The following JARID2 variants were observed in gnomAD, a reference collection of about 807,000 sequenced individuals.
JARID2 encodes jumonji and AT-rich interaction domain containing 2.
In JARID2, 21 loss-of-function variants were observed where a neutral mutation model predicts 125.6. The observed-to-expected ratio is 0.17, with a 90% CI of 0.12 to 0.24. JARID2 has a LOEUF of 0.24. JARID2 is among the 10% of genes least tolerant of loss of function. JARID2 has a pLI of 1.00. For missense variants in JARID2, 1,303 were observed against 1,639.6 expected (o/e 0.79, Z 3.55); for synonymous variants, 736 against 661.6 (o/e 1.11, Z -1.73).
At chr6:15,428,959 T>C (rs928869695) in intron 3 of JARID2, among the ~76,000 whole-genome samples, 1 of 139,104 alleles carries the variant, frequency 7.2e-6, no homozygotes, top group Non-Finnish European at 1.5e-5. Flanking sequence ...AAAAAACTTC[T>C]AGAGTATAGT....
intron 1 of JARID2, among the ~76,000 whole-genome samples, chr6:15,330,414 ACACAGTGGT>A (rs1762669882): frequency 6.6e-6 from 1 of 152,234 alleles, no homozygotes; most frequent in Non-Finnish European, 1.5e-5. Context: ...GTTTGATACA[ACACAGTGGT>A]CACGACCACA....
At chr6:15,513,582 G>C (rs1198005357) in intron 16 of JARID2, among the ~76,000 whole-genome samples, 160 bp downstream of exon 16, 1 of 152,228 alleles carries the variant, frequency 6.6e-6, no homozygotes, top group African/African-American at 2.4e-5. Flanking sequence ...TCTGGCCGCC[G>C]GAGGTGGCTG....
At chr6:15,264,638 T>TGA (rs1016319626) in intron 1 of JARID2, among the ~76,000 whole-genome samples, 2 of 148,524 alleles carry the variant, frequency 1.3e-5, no homozygotes, top group Admixed American at 6.8e-5. Context: ...TGTGTGTGTG[T>TGA]GTGAGAGAGA....
At chr6:15,375,299 C>T (rs1764310105) in intron 2 of JARID2, among the ~76,000 whole-genome samples, 1 of 152,204 alleles carries the variant, frequency 6.6e-6, no homozygotes, top group Non-Finnish European at 1.5e-5. Flanking sequence ...CCTAGTTGTG[C>T]TGTCTCCTTC....
rs1016145857 is a variant in JARID2, at chr6:15,520,654, G to A, written c.*403G>A. 28 of 306,438 alleles carry A rather than the reference G, an allele frequency of 9.1e-5. No homozygotes were observed. The Admixed American group carries it at 1.0e-3, about 11-fold the overall frequency. The allele number at this position is 306,438 out of a possible 1,614,324, so 19.0% of individuals were successfully genotyped here. On this transcript the variant is annotated 3_prime_UTR_variant, in exon 18 of 18. Transcript: ENST00000341776. ...CAAATTTAAAAACCATCAGTCATGT[G>A]AGCAGATTTTTTAGAAGGGATAGGA...
At chr6:15,516,948 AGACCATGTT>A in intron 16 of JARID2, among the ~76,000 whole-genome samples, 1 of 152,278 alleles carries the variant, frequency 6.6e-6, no homozygotes, top group African/African-American at 2.4e-5. Flanking sequence ...TCCTAGTTGA[AGACCATGTT>A]CCAGGTGTTT....
intron 6 of JARID2, among the ~76,000 whole-genome samples, chr6:15,491,428 G>A (rs1438907543): frequency 6.6e-6 from 1 of 152,236 alleles, no homozygotes; most frequent in Non-Finnish European, 1.5e-5. Context: ...TCTGTCCAGT[G>A]CATTTCGCTT....
intron 16 of JARID2, among the ~76,000 whole-genome samples, chr6:15,516,180 C>T (rs1022923178): frequency 2.0e-5 from 3 of 152,180 alleles, no homozygotes; most frequent in Admixed American, 6.5e-5. Context: ...GTGGCATTCC[C>T]ACACTCCTAC....
intron 2 of JARID2, among the ~76,000 whole-genome samples, chr6:15,379,372 A>T (rs1430488366): frequency 6.6e-6 from 1 of 152,172 alleles, no homozygotes; most frequent in Admixed American, 6.5e-5. Flanking sequence ...TAATAAATTG[A>T]CAAAAGCTTT....
At chr6:15,305,158 A>G (rs1761774852) in intron 1 of JARID2, among the ~76,000 whole-genome samples, 1 of 152,162 alleles carries the variant, frequency 6.6e-6, no homozygotes. Flanking sequence ...AAGGCCTTCC[A>G]TCTTTTAAAT....
intron 3 of JARID2, among the ~76,000 whole-genome samples, chr6:15,450,135 A>C (rs1767854633): frequency 6.6e-6 from 1 of 152,250 alleles, no homozygotes; most frequent in Middle Eastern, 3.4e-3. Context: ...CTTTAAGGGA[A>C]TACATCTGCT....
chr6:15,379,137 G>C (rs961645467), intron 2 of JARID2, among the ~76,000 whole-genome samples: 1 of 151,424 alleles, frequency 6.6e-6, no homozygotes, highest in Non-Finnish European at 1.5e-5. Context: ...TATCAGTCTT[G>C]TTTTTGTGGT....
chr6:15,501,125 G>C lies in JARID2; in HGVS notation c.2164G>C (p.Glu722Gln), dbSNP rs781757019. Residue 722 changes from glutamate (E) to glutamine (Q), a missense_variant, in exon 8 of 18, where the codon GAG becomes CAG. Glu to Gln is a conservative substitution (Grantham distance 29, BLOSUM62 2). Transcript: ENST00000341776. The stretch of plus-strand genomic sequence containing the variant: ...AGAGGAGCACCGGCGGCTGGAGAAG[G>C]AGGTGCTGATGGAGAAGGAGATCCT... ...SPEEHRRLEK[E>Q]VLMEKEILEK... The C allele has an allele frequency of 6.2e-7, 1 of 1,614,152 alleles. No individual in the cohort carries two copies. The highest frequency in any genetic ancestry group is 8.5e-7 in the Non-Finnish European group (1 of 1,180,016).
chr6:15,251,193 T>C (rs564586528), intron 1 of JARID2, among the ~76,000 whole-genome samples: 1 of 152,154 alleles, frequency 6.6e-6, no homozygotes, highest in African/African-American at 2.4e-5. Flanking sequence ...TGTATTTTAG[T>C]AGAGATGGAG....
At chr6:15,295,584 GA>G (rs1761383899) in intron 1 of JARID2, among the ~76,000 whole-genome samples, 1 of 152,208 alleles carries the variant, frequency 6.6e-6, no homozygotes, top group African/African-American at 2.4e-5. Context: ...TGATTGGAAG[GA>G]GATTGCTGTA....
chr6:15,503,593 C>T (rs1193197537), intron 8 of JARID2, among the ~76,000 whole-genome samples: 1 of 152,166 alleles, frequency 6.6e-6, no homozygotes, highest in East Asian at 1.9e-4. Context: ...GTGTTTGAGG[C>T]CTGTGTCTTC....
At chr6:15,281,974 G>T (rs1760770784) in intron 1 of JARID2, among the ~76,000 whole-genome samples, 1 of 151,452 alleles carries the variant, frequency 6.6e-6, no homozygotes, top group African/African-American at 2.4e-5. Flanking sequence ...GTTTGAGACA[G>T]AGTCTTGCTC....
chr6:15,464,766 TTC>T (rs1342635729), intron 4 of JARID2, among the ~76,000 whole-genome samples: 1 of 152,244 alleles, frequency 6.6e-6, no homozygotes, highest in East Asian at 1.9e-4. Flanking sequence ...TTACGAATCC[TTC>T]ATTACCCATT....
At chr6:15,395,267 G>T (rs1183544574) in intron 2 of JARID2, among the ~76,000 whole-genome samples, 2 of 151,986 alleles carry the variant, frequency 1.3e-5, no homozygotes, top group East Asian at 3.9e-4. Flanking sequence ...CTTCAGTTTT[G>T]ACCTATCAGC....
Sources: allele counts gnomAD v4.1 joint callset (sites outside exome capture counted in the v4.1 genomes callset), GRCh38; gene constraint gnomAD v4.1.1; transcripts MANE v1.5; gene names NCBI Gene and HGNC (gene_info 2026-07-23, HGNC 2026-07-21).